Variants in RPL13 observed in about 807,000 individuals in gnomAD.
The protein encoded by RPL13 is ribosomal protein L13.
Under a neutral mutation model 21.4 loss-of-function variants are expected in RPL13, and 1 was observed. The ratio of observed to expected loss-of-function variants is 0.05; its 90% CI spans 0.02 to 0.22. The LOEUF is 0.22. Ranked by LOEUF, RPL13 falls within the 10% of genes least tolerant of loss-of-function variation. The pLI is 1.00. For synonymous variants in RPL13, 143 were observed against 120.5 expected (o/e 1.19, Z -1.23); for missense variants, 289 against 303.0 (o/e 0.95, Z 0.34).
At position 89,560,720 on chromosome 16, in the gene RPL13, A is replaced by G; in HGVS notation, c.-21+8A>G. The G allele has an allele frequency of 8.7e-6, 4 of 462,328 alleles. No individual in the cohort carries two copies. The South Asian group carries it at 1.3e-4, about 15-fold the overall frequency. The allele number at this position is 462,328 out of a possible 1,614,324, so 28.6% of individuals were successfully genotyped here. On this transcript the variant is annotated splice_region_variant and intron_variant, in intron 1 of 5. Transcript: ENST00000311528. The stretch of plus-strand genomic sequence containing the variant: ...TGTTTTCCTGCGCAGGAGGTGAGGG[A>G]GACTGGGTCCTGGCCTTTGGGCATC...
At position 89,563,841 on chromosome 16, in the gene RPL13, C is replaced by T. The variant is rs1188743544; in HGVS notation, c.*799C>T. 1 of 152,236 alleles carries T rather than the reference C, an allele frequency of 6.6e-6. No individual in the cohort carries two copies. The highest frequency in any genetic ancestry group is 1.5e-5 in the Non-Finnish European group (1 of 68,064). The allele number at this position is 152,236 out of a possible 1,614,324, so 9.4% of individuals were successfully genotyped here. A position where few individuals can be genotyped will look rare whatever the true frequency, so the allele number is the denominator to read the frequency against. On this transcript the variant is annotated 3_prime_UTR_variant, in exon 6 of 6. Coordinates refer to ENST00000311528, the MANE Select transcript of RPL13 (RefSeq NM_000977.4). Reference sequence around the variant, plus strand: ...ACCATGGTCCTCTTGCTCTGATTAACCCTTCCTTCAATGGGCTTCTTCACC... The same window carrying T: ...ACCATGGTCCTCTTGCTCTGATTAATCCTTCCTTCAATGGGCTTCTTCACC...
At chr16:89,561,155 C>A in intron 2 of RPL13, 72 bp from the exon 3 acceptor site, 22 of 1,517,202 alleles carry the variant, frequency 1.5e-5, no homozygotes, top group Non-Finnish European at 1.9e-5. Context: ...GGGGCGCTGT[C>A]TGCAACCGTC....
Position 89,562,332 on chromosome 16 carries a change from C to T in RPL13, c.421-3C>T. The T allele has an allele frequency of 6.2e-7, 1 of 1,613,290 alleles. No individual in the cohort carries two copies. Among genetic ancestry groups the T allele is most frequent in the Non-Finnish European group, 8.5e-7 (1 of 1,179,912 alleles). On this transcript the variant is annotated splice_polypyrimidine_tract_variant and splice_region_variant and intron_variant, in intron 4 of 5. Transcript: ENST00000311528. ...CCACTTAACTCTTCTCATTCACCAA[C>T]AGGCTGAAGAACTGAAACTGGCCAC...
At chr16:89,560,857 A>T in intron 1 of RPL13, 83 bp from the exon 2 acceptor site, 2 of 982,816 alleles carry the variant, frequency 2.0e-6, no homozygotes, top group South Asian at 1.6e-5. Context: ...CGGACGGCCC[A>T]GTCTGGAGGG....
chr16:89,562,140 C>G, intron 4 of RPL13, 195 bp from the exon 5 acceptor site: 5 of 628,758 alleles, frequency 8.0e-6, no homozygotes, highest in South Asian at 7.6e-5. Flanking sequence ...GTGCGTGTTG[C>G]GTCAACTCAG....
Position 89,562,770 on chromosome 16 carries a change from A to T in RPL13, c.478-114A>T. On this transcript the variant is annotated intron_variant, in intron 5 of 5. Transcript: ENST00000311528. Reference sequence around the variant, plus strand: ...TCAGGGTTGCTTTTCAGCAGTACTTATGGCAGCGAACCTGACCCCCAATCC... The same window carrying T: ...TCAGGGTTGCTTTTCAGCAGTACTTTTGGCAGCGAACCTGACCCCCAATCC... 5 of 1,109,036 alleles carry T rather than the reference A, an allele frequency of 4.5e-6. No individual in the cohort carries two copies. In the South Asian group the frequency reaches 5.5e-5, roughly 12 times the overall value. 68.7% of individuals were successfully genotyped at this position (1,109,036 alleles called of 1,614,324 possible).
chr16:89,560,806 C>T (rs1419620042), intron 1 of RPL13, 94 bp downstream of exon 1: 1 of 576,110 alleles, frequency 1.7e-6, no homozygotes, highest in Non-Finnish European at 3.0e-6. Context: ...CCTTCTTCTT[C>T]GCAGACAGCG....
intron 5 of RPL13, 182 bp from the exon 6 acceptor site, chr16:89,562,702 G>C: frequency 1.6e-6 from 1 of 622,008 alleles, no homozygotes; most frequent in Non-Finnish European, 2.6e-6. Flanking sequence ...AGCTCAGGGA[G>C]GGTTTTTCTT....
At chr16:89,565,441 C>T (rs1414656030), downstream of RPL13, 2 of 152,268 alleles carry the variant, frequency 1.3e-5, no homozygotes, top group Admixed American at 6.5e-5. Flanking sequence ...TCCCTGCTGA[C>T]ACTCAGTCCT....
At position 89,560,926 on chromosome 16, in the gene RPL13, C is replaced by T. The variant is rs762896781; in HGVS notation, c.-20-14C>T. On this transcript the variant is annotated splice_polypyrimidine_tract_variant and intron_variant, in intron 1 of 5. Coordinates refer to ENST00000311528, the MANE Select transcript of RPL13 (RefSeq NM_000977.4). ...CGGGGTCCGGCCTCTCACTCGCTCC[C>T]CTCTCGTCCGCAGCCGCAGGGCCGT... The T allele has an allele frequency of 7.0e-6, 11 of 1,575,358 alleles. No individual in the cohort carries two copies. Among genetic ancestry groups the T allele is most frequent in the South Asian group, 3.5e-5 (3 of 86,634 alleles).
In RPL13 at chr16:89,562,562, C is replaced by T. The variant is rs2058753394; in HGVS notation, c.477+171C>T. On this transcript the variant is annotated intron_variant, in intron 5 of 5. Coordinates refer to ENST00000311528, the MANE Select transcript of RPL13 (RefSeq NM_000977.4). ...CTTCTTAGTTTTTACTTCTTGCAACCATGAAGCCATACATTGGGAAGTATT... is the reference window on the plus strand; with the variant it reads ...CTTCTTAGTTTTTACTTCTTGCAACTATGAAGCCATACATTGGGAAGTATT... 30 of 630,206 alleles carry T rather than the reference C, an allele frequency of 4.8e-5. 3 individuals are homozygous for T. The South Asian group carries it at 6.3e-4, about 13-fold the overall frequency. The allele number at this position is 630,206 out of a possible 1,614,324, so 39.0% of individuals were successfully genotyped here.
downstream of RPL13, chr16:89,564,945 A>C (rs2058773349): frequency 6.6e-6 from 1 of 152,172 alleles, no homozygotes; most frequent in Non-Finnish European, 1.5e-5. Flanking sequence ...TGCTGTTTTT[A>C]CTGTGGGACA....
In RPL13 at chr16:89,562,890, A is replaced by C. The variant is rs978878123; in HGVS notation, c.484A>C (p.Lys162Gln). ...GPVMPVRNVY[K>Q]KEKARVITEE... Reference sequence around the variant, plus strand: ...ACCTGTCTTTCTCTTCTAGGTCTATAAGAAGGAGAAAGCTCGAGTCATCAC... The same window carrying C: ...ACCTGTCTTTCTCTTCTAGGTCTATCAGAAGGAGAAAGCTCGAGTCATCAC... Residue 162 changes from lysine to glutamine, a missense_variant, in exon 6 of 6, where the codon AAG becomes CAG. Transcript: ENST00000311528. 6.4e-7 allele frequency: 1 copy of C among 1,570,720 alleles called. No individual in the cohort carries two copies. Among genetic ancestry groups the C allele is most frequent in the Non-Finnish European group, 8.6e-7 (1 of 1,162,116 alleles).
rs914119968 is a variant in RPL13, at chr16:89,563,240, G to A, written c.*198G>A. The stretch of plus-strand genomic sequence containing the variant: ...GTGTTGAAGCACTGTTGGTTGTTTG[G>A]TTAGTGACTGATGTAAAACGGTTTT... On this transcript the variant is annotated 3_prime_UTR_variant, in exon 6 of 6. Transcript: ENST00000311528. The A allele has an allele frequency of 1.3e-5, 6 of 455,880 alleles. No individual in the cohort carries two copies. Among genetic ancestry groups the A allele is most frequent in the African/African-American group, 1.0e-4 (5 of 49,250 alleles). The allele number at this position is 455,880 out of a possible 1,614,324, so 28.2% of individuals were successfully genotyped here.
rs1214521742 is a variant in RPL13 at position 89,561,207 on chromosome 16, G to A, written c.105-20G>A. 2.0e-6 allele frequency: 3 copies of A among 1,535,520 alleles called. No individual in the cohort carries two copies. Among genetic ancestry groups the A allele is most frequent in the South Asian group, 2.4e-5 (2 of 84,078 alleles). ...GCGGCCTTAGGCAAGGGTGACCGCC[G>A]CTGCGCTTCTCTCCACCAGACGTAA... On this transcript the variant is annotated intron_variant, in intron 2 of 5. Coordinates refer to ENST00000311528, the MANE Select transcript of RPL13 (RefSeq NM_000977.4).
downstream of RPL13, chr16:89,564,961 ACT>A (rs975809679): frequency 2.6e-5 from 4 of 152,020 alleles, no homozygotes; most frequent in African/African-American, 9.7e-5. Context: ...GGACAAAAGC[ACT>A]CTGATCTGCG....
intron 5 of RPL13, 33 bp downstream of exon 5, chr16:89,562,424 G>T: frequency 3.1e-6 from 5 of 1,603,984 alleles, no homozygotes; most frequent in Non-Finnish European, 3.4e-6. Context: ...CCAGGCTTCA[G>T]ACGAGATCAG....
chr16:89,566,171 G>T (rs113678876), downstream of RPL13: 19 of 152,390 alleles, frequency 1.2e-4, no homozygotes, highest in African/African-American at 3.4e-4. Flanking sequence ...GCCCACGGGG[G>T]TCATGGGGCC....
intron 4 of RPL13, 83 bp from the exon 5 acceptor site, chr16:89,562,252 A>G: frequency 1.5e-6 from 2 of 1,329,924 alleles, no homozygotes; most frequent in South Asian, 1.2e-5. Context: ...CGGAATCCCC[A>G]GGGGAAAGTT....
Sources: gnomAD v4.1 joint callset for allele counts on GRCh38, gnomAD v4.1.1 for gene constraint, MANE v1.5 for transcripts, NCBI Gene and HGNC (gene_info 2026-07-23, HGNC 2026-07-21) for gene names.